The following ZZZ3 variants were observed in gnomAD, a reference collection of about 807,000 sequenced individuals.
The protein encoded by ZZZ3 is ZZ-type zinc finger-containing protein 3.
Under a neutral mutation model 95.2 loss-of-function variants are expected in ZZZ3, and 22 were observed. That is an observed-to-expected ratio of 0.23 (90% CI 0.17 to 0.33). ZZZ3 has a LOEUF of 0.33. Ranked by LOEUF, ZZZ3 falls within the 10% of genes least tolerant of loss-of-function variation. ZZZ3 has a pLI of 1.00. For missense variants in ZZZ3, 885 were observed against 1,066.5 expected, an observed-to-expected ratio of 0.83 and a Z score of 2.37; for synonymous variants, 335 against 358.9, an observed-to-expected ratio of 0.93 and a Z score of 0.75.
At chr1:77,675,330 A>C (rs957421650) in intron 1 of ZZZ3, among the ~76,000 whole-genome samples, 2 of 152,128 alleles carry the variant, frequency 1.3e-5, no homozygotes, top group African/African-American at 4.8e-5. Flanking sequence ...TTAACTTCTG[A>C]CCAATTAAAA....
chr1:77,667,373 C>T (rs1483107062), intron 1 of ZZZ3, among the ~76,000 whole-genome samples: 5 of 151,936 alleles, frequency 3.3e-5, no homozygotes, highest in Admixed American at 6.6e-5. Flanking sequence ...CTTTAGACAG[C>T]TTTTTTTTAA....
intron 5 of ZZZ3, among the ~76,000 whole-genome samples, chr1:77,590,976 C>A (rs970819940): frequency 6.6e-6 from 1 of 152,134 alleles, no homozygotes; most frequent in Non-Finnish European, 1.5e-5. Flanking sequence ...TATGCAGATT[C>A]TTATCATATT....
intron 1 of ZZZ3, among the ~76,000 whole-genome samples, chr1:77,658,178 C>CAAAAAAAA (rs1186224710): frequency 2.6e-5 from 2 of 76,320 alleles, no homozygotes; most frequent in African/African-American, 4.8e-5. Flanking sequence ...GACTTTGTCT[C>CAAAAAAAA]AAAAAAAAAA....
chr1:77,643,119 A>C (rs1351956522), intron 1 of ZZZ3, among the ~76,000 whole-genome samples: 1 of 151,956 alleles, frequency 6.6e-6, no homozygotes, highest in Non-Finnish European at 1.5e-5. Context: ...GAGGATCCTT[A>C]GAGGGGCAGT....
chr1:77,682,294 G>C (rs1349822999), intron 1 of ZZZ3, among the ~76,000 whole-genome samples: 1 of 152,198 alleles, frequency 6.6e-6, no homozygotes, highest in South Asian at 2.1e-4. Context: ...AAACTGACAA[G>C]AACATCTTAA....
At chr1:77,568,641 CTTTT>C (rs11355685) in intron 12 of ZZZ3, among the ~76,000 whole-genome samples, 175 bp from the exon 13 acceptor site, 16 of 125,856 alleles carry the variant, frequency 1.3e-4, no homozygotes, top group Admixed American at 1.6e-4. Flanking sequence ...TGCTTTTGGA[CTTTT>C]TTTTTTTTTT....
At chr1:77,579,808 A>AG in intron 9 of ZZZ3, 180 bp from the exon 10 acceptor site, 1 of 409,212 alleles carries the variant, frequency 2.4e-6, no homozygotes. Context: ...AAGACTTCAC[A>AG]GGGAACAATG....
chr1:77,643,659 CACTGGTACT>C (rs1557756522), intron 1 of ZZZ3, among the ~76,000 whole-genome samples: 1 of 152,212 alleles, frequency 6.6e-6, no homozygotes, highest in Admixed American at 6.5e-5. Context: ...GCAGTCTTAA[CACTGGTACT>C]ACTGTGTTAA....
chr1:77,562,890 T>TC lies in ZZZ3; in HGVS notation c.*2749dup, dbSNP rs1479295452. 1 of 152,532 alleles carries TC rather than the reference T, an allele frequency of 6.6e-6. No individual in the cohort carries two copies. The highest frequency in any genetic ancestry group is 2.4e-5 in the African/African-American group (1 of 41,464). 9.4% of individuals were successfully genotyped at this position (152,532 alleles called of 1,614,324 possible). A position where few individuals can be genotyped will look rare whatever the true frequency, so the allele number is the denominator to read the frequency against. ...AAGGCAGACGCTGACTCTGAAGTAA[T>TC]CTGCCTAGGTTAAAATCCAAGCATG... On this transcript the variant is annotated 3_prime_UTR_variant, in exon 15 of 15. Transcript: ENST00000370801.
At chr1:77,681,318 C>A (rs978001991) in intron 1 of ZZZ3, among the ~76,000 whole-genome samples, 1 of 151,894 alleles carries the variant, frequency 6.6e-6, no homozygotes, top group African/African-American at 2.4e-5. Context: ...GAAAAAAAAA[C>A]ACTTTTGTAG....
At chr1:77,598,311 A>G (rs1440983545) in intron 5 of ZZZ3, among the ~76,000 whole-genome samples, 1 of 152,184 alleles carries the variant, frequency 6.6e-6, no homozygotes, top group African/African-American at 2.4e-5. Flanking sequence ...TTTACTACTC[A>G]TTAAGTAGAA....
At chr1:77,634,753 C>T (rs1668143972) in intron 4 of ZZZ3, among the ~76,000 whole-genome samples, 2 of 152,080 alleles carry the variant, frequency 1.3e-5, no homozygotes, top group Non-Finnish European at 2.9e-5. Flanking sequence ...CTTGATTGAT[C>T]CATTTGGGTA....
At chr1:77,679,393 C>A (rs1385132933) in intron 1 of ZZZ3, among the ~76,000 whole-genome samples, 6 of 152,166 alleles carry the variant, frequency 3.9e-5, no homozygotes, top group African/African-American at 1.4e-4. Flanking sequence ...GCAGTCTCAA[C>A]CTTCTGGGTT....
chr1:77,581,388 C>A (rs1412014538), intron 8 of ZZZ3, among the ~76,000 whole-genome samples: 1 of 152,132 alleles, frequency 6.6e-6, no homozygotes, highest in African/African-American at 2.4e-5. Flanking sequence ...CTAAGAGTGG[C>A]AAGGCCAGGA....
intron 11 of ZZZ3, among the ~76,000 whole-genome samples, chr1:77,577,144 A>T (rs1662042621): frequency 6.6e-6 from 1 of 152,174 alleles, no homozygotes; most frequent in Admixed American, 6.5e-5. Context: ...TACATGAAGA[A>T]CCATCATTTC....
intron 1 of ZZZ3, among the ~76,000 whole-genome samples, chr1:77,664,579 A>AT (rs372534135): frequency 4.6e-5 from 7 of 152,230 alleles, no homozygotes; most frequent in African/African-American, 1.4e-4. Context: ...TGAATTCCAT[A>AT]TTTTTTTAAT....
intron 1 of ZZZ3, among the ~76,000 whole-genome samples, chr1:77,670,176 T>C (rs1018387843): frequency 2.0e-5 from 3 of 152,142 alleles, no homozygotes; most frequent in African/African-American, 7.2e-5. Flanking sequence ...AGCATAATTT[T>C]AGTACATGGG....
intron 4 of ZZZ3, 79 bp downstream of exon 4, chr1:77,639,370 G>T: frequency 1.7e-6 from 2 of 1,190,208 alleles, no homozygotes; most frequent in Non-Finnish European, 2.3e-6. Context: ...AAAATAACAA[G>T]TCTCCCCATC....
At position 77,584,640 on chromosome 1, in the gene ZZZ3, T is replaced by C; in HGVS notation, c.1521A>G (p.Leu507=). 1 of 1,592,916 alleles carries C rather than the reference T, an allele frequency of 6.3e-7. No homozygotes were observed. Among genetic ancestry groups the C allele is most frequent in the Non-Finnish European group, 8.5e-7 (1 of 1,174,158 alleles). Residue 507 remains leucine (L), a synonymous_variant, in exon 6 of 15, where the codon TTA becomes TTG. Transcript: ENST00000370801. ...GAGCCTCGAGTACAGCAATCGTCTG[T>C]AATAGTCTCTGATAACTACAGAGAC... ...LKHNKDYQRL[L]QTIAVLEAQR... is the part of the protein sequence containing the mutation.
Sources: allele counts gnomAD v4.1 joint callset (sites outside exome capture counted in the v4.1 genomes callset), GRCh38; gene constraint gnomAD v4.1.1; transcripts MANE v1.5; gene names NCBI Gene and HGNC (gene_info 2026-07-23, HGNC 2026-07-21).